The following VPS13B variants were observed in gnomAD, a reference collection of about 807,000 sequenced individuals.
VPS13B encodes vacuolar protein sorting 13 homolog B.
Under a neutral mutation model 426.4 loss-of-function variants are expected in VPS13B, and 285 were observed. The ratio of observed to expected loss-of-function variants is 0.67; its 90% CI spans 0.61 to 0.74. The LOEUF (loss-of-function observed/expected upper bound fraction) is 0.74, where lower values mean the gene tolerates loss of function less well. Ranked by LOEUF, VPS13B falls within the 30% of genes least tolerant of loss-of-function variation. The pLI, the probability that VPS13B is intolerant of heterozygous loss-of-function variation, is 0.00. For synonymous variants in VPS13B, 1,676 were observed against 1,676.4 expected (o/e 1.00, Z 0.01); for missense variants, 4,537 against 4,782.6 (o/e 0.95, Z 1.51).
chr8:99,643,141 C>G (rs554841620), intron 34 of VPS13B, among the ~76,000 whole-genome samples: 1 of 152,076 alleles, frequency 6.6e-6, no homozygotes, highest in South Asian at 2.1e-4. Flanking sequence ...TTAAGACATA[C>G]AAGTTATTAA....
At chr8:99,743,246 C>G (rs1243837322) in intron 39 of VPS13B, among the ~76,000 whole-genome samples, 1 of 151,978 alleles carries the variant, frequency 6.6e-6, no homozygotes, top group African/African-American at 2.4e-5. Context: ...AATAAAATAC[C>G]TAGGAATCCA....
intron 35 of VPS13B, among the ~76,000 whole-genome samples, chr8:99,680,898 C>T (rs1354804926): frequency 6.6e-6 from 1 of 152,090 alleles, no homozygotes; most frequent in Non-Finnish European, 1.5e-5. Flanking sequence ...TAGTCCATTT[C>T]TTTAATGTTG....
At chr8:99,450,708 T>C (rs1818151417) in intron 23 of VPS13B, among the ~76,000 whole-genome samples, 1 of 152,142 alleles carries the variant, frequency 6.6e-6, no homozygotes, top group Non-Finnish European at 1.5e-5. Flanking sequence ...CAAGACTCTG[T>C]CTTAAAAAGA....
At chr8:99,101,419 A>G (rs907848278) in intron 4 of VPS13B, among the ~76,000 whole-genome samples, 7 of 152,204 alleles carry the variant, frequency 4.6e-5, no homozygotes, top group Non-Finnish European at 1.5e-5. Flanking sequence ...GGCGTGAGCC[A>G]CCGTGCTTGG....
chr8:99,525,290 C>G (rs1163583066), intron 30 of VPS13B, among the ~76,000 whole-genome samples: 2 of 152,098 alleles, frequency 1.3e-5, no homozygotes, highest in African/African-American at 4.8e-5. Context: ...AAAGTTCAAG[C>G]ACAGAGTTTT....
At chr8:99,418,619 G>C (rs1376291013) in intron 21 of VPS13B, among the ~76,000 whole-genome samples, 1 of 151,198 alleles carries the variant, frequency 6.6e-6, no homozygotes, top group African/African-American at 2.4e-5. Flanking sequence ...TCCCATCTCA[G>C]CTCACTGCAA....
chr8:99,799,469 C>G (rs1444607331), intron 43 of VPS13B, among the ~76,000 whole-genome samples: 1 of 152,170 alleles, frequency 6.6e-6, no homozygotes, highest in Non-Finnish European at 1.5e-5. Flanking sequence ...TCTTGTTATA[C>G]AGGCACTAAG....
intron 39 of VPS13B, among the ~76,000 whole-genome samples, chr8:99,751,379 A>G (rs1810385428): frequency 6.6e-6 from 1 of 152,190 alleles, no homozygotes; most frequent in Admixed American, 6.5e-5. Context: ...ATTTAATTTA[A>G]TTTGGACTGT....
At chr8:99,169,368 A>G (rs916639361) in intron 15 of VPS13B, among the ~76,000 whole-genome samples, 3 of 151,934 alleles carry the variant, frequency 2.0e-5, no homozygotes, top group Non-Finnish European at 4.4e-5. Flanking sequence ...TATTATGACA[A>G]ATATAGTATC....
chr8:99,408,451 TTTTG>T (rs1363581740), intron 21 of VPS13B, among the ~76,000 whole-genome samples: 1 of 152,010 alleles, frequency 6.6e-6, no homozygotes, highest in African/African-American at 2.4e-5. Flanking sequence ...AGGGTCATGG[TTTTG>T]TTTGTTTGTT....
chr8:99,493,827 G>C (rs1296592005), intron 25 of VPS13B, among the ~76,000 whole-genome samples: 1 of 138,108 alleles, frequency 7.2e-6, no homozygotes. Context: ...AAGAAAGAAA[G>C]AGAATGAAAT....
intron 21 of VPS13B, among the ~76,000 whole-genome samples, chr8:99,403,382 CT>C (rs1308351162): frequency 1.3e-5 from 2 of 152,022 alleles, no homozygotes; most frequent in Non-Finnish European, 2.9e-5. Flanking sequence ...AACCCCGTCT[CT>C]ACTAAAAATA....
At chr8:99,078,892 T>G (rs909796471) in intron 3 of VPS13B, among the ~76,000 whole-genome samples, 8 of 152,036 alleles carry the variant, frequency 5.3e-5, no homozygotes, top group Admixed American at 1.3e-4. Context: ...CCCTGGGAGA[T>G]GCATGCTGGT....
intron 33 of VPS13B, among the ~76,000 whole-genome samples, chr8:99,588,899 A>G (rs1241053424): frequency 6.6e-6 from 1 of 151,754 alleles, no homozygotes; most frequent in Non-Finnish European, 1.5e-5. Flanking sequence ...GCTGGTTTTC[A>G]AAGGAAATGC....
At chr8:99,080,291 A>T (rs1408515811) in intron 3 of VPS13B, among the ~76,000 whole-genome samples, 1 of 151,360 alleles carries the variant, frequency 6.6e-6, no homozygotes, top group Non-Finnish European at 1.5e-5. Flanking sequence ...TTGCTTTTGT[A>T]TTTTTTGCTT....
intron 34 of VPS13B, among the ~76,000 whole-genome samples, chr8:99,654,239 G>A (rs1588591562): frequency 6.6e-6 from 1 of 151,160 alleles, no homozygotes; most frequent in African/African-American, 2.4e-5. Context: ...TAGTAGAGAC[G>A]GGGTTTCACT....
chr8:99,826,145 A>G (rs933628273), intron 51 of VPS13B, among the ~76,000 whole-genome samples: 8 of 152,178 alleles, frequency 5.3e-5, no homozygotes, highest in Non-Finnish European at 8.8e-5. Context: ...CATTGAATCT[A>G]TAAATTACTT....
At chr8:99,395,828 G>A (rs1363859237) in intron 21 of VPS13B, among the ~76,000 whole-genome samples, 1 of 152,160 alleles carries the variant, frequency 6.6e-6, no homozygotes, top group Non-Finnish European at 1.5e-5. Context: ...ATACCTATAT[G>A]TTAAAACAGG....
Position 99,847,580 on chromosome 8 carries a change from G to A in VPS13B, c.9943-1196G>A, listed in dbSNP as rs571262845. Among the ~76,000 whole-genome samples the A allele has an allele frequency of 5.3e-5, 8 of 152,278 alleles. No homozygotes were observed. The East Asian group carries it at 1.4e-3, about 26-fold the overall frequency. On this transcript the variant is annotated intron_variant, in intron 54 of 61. Coordinates refer to ENST00000357162, the MANE Select transcript of VPS13B (RefSeq NM_152564.5). ...TCAGCTGAAGCAGAGGCTGTAAAATGAAAAAGAAGGCAGCAGTGGAAGAAC... is the reference window on the plus strand; with the variant it reads ...TCAGCTGAAGCAGAGGCTGTAAAATAAAAAAGAAGGCAGCAGTGGAAGAAC...
Sources: allele counts gnomAD v4.1 joint callset (sites outside exome capture counted in the v4.1 genomes callset), GRCh38; gene constraint gnomAD v4.1.1; transcripts MANE v1.5; gene names NCBI Gene and HGNC (gene_info 2026-07-23, HGNC 2026-07-21).